The following PTN variants were observed in gnomAD, a reference collection of about 807,000 sequenced individuals.
The protein encoded by PTN is pleiotrophin.
Under a neutral mutation model 24.1 loss-of-function variants are expected in PTN, and 18 were observed. The ratio of observed to expected loss-of-function variants is 0.75; its 90% CI spans 0.52 to 1.11. PTN has a LOEUF of 1.11. Ranked by LOEUF, PTN falls within the 50% of genes least tolerant of loss-of-function variation. The probability of loss-of-function intolerance (pLI) is 0.00; values close to 1 mark genes in which losing one functional copy is unlikely to be tolerated. For synonymous variants in PTN, 78 were observed against 68.6 expected (o/e 1.14, Z -0.67); for missense variants, 163 against 198.8 (o/e 0.82, Z 1.08).
intron 1 of PTN, among the ~76,000 whole-genome samples, chr7:137,301,790 T>C (rs545919978): frequency 1.3e-5 from 2 of 152,098 alleles, no homozygotes; most frequent in East Asian, 3.9e-4. Context: ...TGTTTTATCC[T>C]GTTTTGTTTG....
At chr7:137,289,132 G>A (rs1259555624) in intron 1 of PTN, among the ~76,000 whole-genome samples, 2 of 152,096 alleles carry the variant, frequency 1.3e-5, no homozygotes, top group East Asian at 3.9e-4. Context: ...ACTCAACTCA[G>A]GAGAAGTGGT....
intron 1 of PTN, among the ~76,000 whole-genome samples, chr7:137,319,374 C>G (rs1810125888): frequency 6.6e-6 from 1 of 152,158 alleles, no homozygotes; most frequent in Non-Finnish European, 1.5e-5. Context: ...CATTTGTTCT[C>G]AGAAAGCTTA....
At chr7:137,255,046 G>T in intron 1 of PTN, 72 bp from the exon 2 acceptor site, 1 of 1,017,396 alleles carries the variant, frequency 9.8e-7, no homozygotes, top group Non-Finnish European at 1.4e-6. Flanking sequence ...TTGAACCCTT[G>T]ATGAAAAGGC....
chr7:137,299,952 G>C (rs1041002453), intron 1 of PTN, among the ~76,000 whole-genome samples: 8 of 151,952 alleles, frequency 5.3e-5, no homozygotes. Flanking sequence ...ATTGGGTCTA[G>C]GTTTAAAATT....
At chr7:137,336,834 G>T (rs1810457029) in intron 1 of PTN, among the ~76,000 whole-genome samples, 1 of 152,152 alleles carries the variant, frequency 6.6e-6, no homozygotes, top group Non-Finnish European at 1.5e-5. Context: ...CAGACTCTAT[G>T]TTCAGTACTT....
At chr7:137,270,998 C>T (rs1020435305) in intron 1 of PTN, among the ~76,000 whole-genome samples, 1 of 152,148 alleles carries the variant, frequency 6.6e-6, no homozygotes, top group African/African-American at 2.4e-5. Flanking sequence ...GGCCTCCAAG[C>T]TTTTAACATT....
At chr7:137,299,659 A>T (rs1182116384) in intron 1 of PTN, among the ~76,000 whole-genome samples, 2 of 151,950 alleles carry the variant, frequency 1.3e-5, no homozygotes, top group African/African-American at 4.8e-5. Flanking sequence ...CTTCCATCAA[A>T]TGTGTAAGCT....
At chr7:137,296,098 C>T (rs993434094) in intron 1 of PTN, among the ~76,000 whole-genome samples, 1 of 152,030 alleles carries the variant, frequency 6.6e-6, no homozygotes, top group African/African-American at 2.4e-5. Flanking sequence ...AATGAAAAAT[C>T]CAAAGCAAAT....
intron 1 of PTN, among the ~76,000 whole-genome samples, chr7:137,314,203 C>A (rs960140001): frequency 3.3e-5 from 5 of 152,034 alleles, no homozygotes; most frequent in Non-Finnish European, 7.4e-5. Context: ...CTCTATAGTA[C>A]CCTAAAAGAC....
intron 1 of PTN, among the ~76,000 whole-genome samples, chr7:137,278,144 A>G (rs1809396794): frequency 6.6e-6 from 1 of 150,822 alleles, no homozygotes; most frequent in East Asian, 2.0e-4. Context: ...CGTCTCTACT[A>G]AAAATACAAA....
chr7:137,253,620 ACTT>A lies in PTN; in HGVS notation c.130_132del (p.Lys44del). ...CTCCACTGCCATTCTCCACAGTCAG[ACTT>A]CTTCACTTTTTTTTCTGAATGAAAG... On this transcript the variant is annotated inframe_deletion, in exon 3 of 5. Coordinates refer to ENST00000348225, the MANE Select transcript of PTN (RefSeq NM_002825.7). 6.5e-7 allele frequency: 1 copy of A among 1,546,436 alleles called. No individual in the cohort carries two copies. Among genetic ancestry groups the A allele is most frequent in the Non-Finnish European group, 8.8e-7 (1 of 1,141,844 alleles).
intron 1 of PTN, among the ~76,000 whole-genome samples, chr7:137,290,646 C>A (rs1809625138): frequency 6.6e-6 from 1 of 152,024 alleles, no homozygotes; most frequent in South Asian, 2.1e-4. Context: ...ATTATCTCTT[C>A]TTATAGTGCA....
Position 137,254,923 on chromosome 7 carries a change from G to A in PTN, c.51C>T (p.Phe17=), listed in dbSNP as rs1189193547. 6.3e-7 allele frequency: 1 copy of A among 1,581,154 alleles called. No individual in the cohort carries two copies. The highest frequency in any genetic ancestry group is 8.7e-7 in the Non-Finnish European group (1 of 1,155,740). The part of the protein sequence containing the change: ...QQQRRKFAAA[F]LAFIFILAAV... Reference sequence around the variant, plus strand: ...CTGCCAGTATGAAAATGAATGCCAAGAAGGCAGCTGCAAATTTTCGACGCT... The same window carrying A: ...CTGCCAGTATGAAAATGAATGCCAAAAAGGCAGCTGCAAATTTTCGACGCT... Residue 17 remains phenylalanine (F), a synonymous_variant, in exon 2 of 5, where the codon TTC becomes TTT. Transcript: ENST00000348225.
chr7:137,319,574 T>C (rs1367615479), intron 1 of PTN, among the ~76,000 whole-genome samples: 1 of 152,190 alleles, frequency 6.6e-6, no homozygotes, highest in Non-Finnish European at 1.5e-5. Flanking sequence ...GCTTCCTCTA[T>C]AGTCATTGAA....
chr7:137,314,060 A>T (rs913506036), intron 1 of PTN, among the ~76,000 whole-genome samples: 2 of 152,126 alleles, frequency 1.3e-5, no homozygotes, highest in African/African-American at 4.8e-5. Flanking sequence ...TTTCATCTAT[A>T]ATTCTATTAT....
intron 1 of PTN, among the ~76,000 whole-genome samples, chr7:137,291,677 C>G (rs1809640839): frequency 6.6e-6 from 1 of 151,968 alleles, no homozygotes; most frequent in African/African-American, 2.4e-5. Flanking sequence ...CCCAAGTGAG[C>G]CTGAGGCAAC....
At chr7:137,335,665 T>C (rs1445958174) in intron 1 of PTN, among the ~76,000 whole-genome samples, 4 of 152,162 alleles carry the variant, frequency 2.6e-5, no homozygotes, top group Admixed American at 2.0e-4. Context: ...AAGCAGACTC[T>C]GAGATTTCAT....
intron 1 of PTN, among the ~76,000 whole-genome samples, chr7:137,285,899 T>C (rs1046861382): frequency 5.3e-5 from 8 of 152,198 alleles, no homozygotes; most frequent in African/African-American, 1.9e-4. Flanking sequence ...AATGAAACAA[T>C]AGCATGTGGC....
At chr7:137,317,354 G>C (rs889744658) in intron 1 of PTN, among the ~76,000 whole-genome samples, 15 of 152,116 alleles carry the variant, frequency 9.9e-5, no homozygotes, top group Admixed American at 4.6e-4. Flanking sequence ...TGAATATCAA[G>C]AATTTTATAA....
Sources: gnomAD v4.1 joint callset for allele counts (sites outside exome capture counted in the v4.1 genomes callset) on GRCh38, gnomAD v4.1.1 for gene constraint, MANE v1.5 for transcripts, NCBI Gene and HGNC (gene_info 2026-07-23, HGNC 2026-07-21) for gene names.